ELAVL4: variants seen among roughly 807,000 people sequenced by gnomAD.
ELAVL4 encodes ELAV-like protein 4.
Under a neutral mutation model 35.6 loss-of-function variants are expected in ELAVL4, and 1 was observed. The observed-to-expected ratio is 0.03, with a 90% confidence interval of 0.01 to 0.13. ELAVL4 has a LOEUF of 0.13. Ranked by LOEUF, ELAVL4 falls within the 10% of genes least tolerant of loss-of-function variation. The pLI, the probability that ELAVL4 is intolerant of heterozygous loss-of-function variation, is 1.00. For missense variants in ELAVL4, 267 were observed against 464.9 expected, an observed-to-expected ratio of 0.57 and a Z score of 3.91; for synonymous variants, 156 against 171.0, an observed-to-expected ratio of 0.91 and a Z score of 0.69.
intron 1 of ELAVL4, among the ~76,000 whole-genome samples, chr1:50,069,090 C>T (rs1388325958): frequency 6.6e-6 from 1 of 152,200 alleles, no homozygotes; most frequent in Admixed American, 6.5e-5. Flanking sequence ...TGCTGTCTTA[C>T]ATGAAACAGA....
In ELAVL4 at chr1:50,063,738, C is replaced by G. The variant is rs72686793; in HGVS notation, c.18+15556C>G. Among the ~76,000 whole-genome samples, 90 of 152,232 alleles carry G rather than the reference C, an allele frequency of 5.9e-4. 1 individual carries two copies. In the South Asian group the frequency reaches 8.7e-3, roughly 15 times the overall value. The stretch of plus-strand genomic sequence containing the variant: ...GGTAGTCCCATAGCATTGTGACATG[C>G]GACCCTAGTAACAGAATTATTTCAT... On this transcript the variant is annotated intron_variant, in intron 1 of 6. Transcript: ENST00000448907.
intron 1 of ELAVL4, among the ~76,000 whole-genome samples, chr1:50,095,977 T>C (rs1665702034): frequency 6.6e-6 from 1 of 152,148 alleles, no homozygotes; most frequent in Admixed American, 6.5e-5. Flanking sequence ...ATACCTTCCG[T>C]TGGTAGAGCT....
intron 1 of ELAVL4, among the ~76,000 whole-genome samples, chr1:50,079,119 G>C (rs1237679531): frequency 6.6e-6 from 1 of 152,072 alleles, no homozygotes; most frequent in African/African-American, 2.4e-5. Context: ...TTTAGATGGG[G>C]TCTTGCTTTG....
intron 1 of ELAVL4, among the ~76,000 whole-genome samples, chr1:50,069,802 G>A (rs1664429498): frequency 6.6e-6 from 1 of 152,006 alleles, no homozygotes; most frequent in Non-Finnish European, 1.5e-5. Flanking sequence ...CCTGACCCCA[G>A]AACCCACACT....
intron 1 of ELAVL4, among the ~76,000 whole-genome samples, chr1:50,086,021 G>C (rs1427512315): frequency 2.0e-5 from 3 of 152,110 alleles, no homozygotes; most frequent in Non-Finnish European, 4.4e-5. Context: ...AGTCTGTATT[G>C]TGTTTTGTAA....
intron 3 of ELAVL4, among the ~76,000 whole-genome samples, chr1:50,186,883 G>GT (rs1457034654): frequency 1.3e-5 from 2 of 152,218 alleles, no homozygotes; most frequent in Admixed American, 1.3e-4. Flanking sequence ...AGTGTAAAGA[G>GT]TGGTGCTACA....
At chr1:50,048,246 G>T (rs1663171548) in intron 1 of ELAVL4, 6 of 1,434,748 alleles carry the variant, frequency 4.2e-6, no homozygotes, top group Non-Finnish European at 5.5e-6. Flanking sequence ...ACGGACACCC[G>T]CTGGGCCACG....
At chr1:50,109,560 G>T (rs189430160) in intron 1 of ELAVL4, 47 of 370,954 alleles carry the variant, frequency 1.3e-4, no homozygotes, top group Middle Eastern at 1.5e-3. Flanking sequence ...CTACGTGCCT[G>T]GGTTTTGTGG....
chr1:50,138,092 A>G (rs1025053630), intron 1 of ELAVL4, among the ~76,000 whole-genome samples: 1 of 152,202 alleles, frequency 6.6e-6, no homozygotes, highest in Admixed American at 6.5e-5. Flanking sequence ...GATTGACACT[A>G]TATGCTGCCA....
At chr1:50,197,537 A>G in intron 6 of ELAVL4, 70 bp downstream of exon 6, 1 of 1,265,752 alleles carries the variant, frequency 7.9e-7, no homozygotes, top group South Asian at 1.7e-5. Flanking sequence ...TTTTTTTTTT[A>G]ATTCACTAAC....
chr1:50,085,060 C>G (rs893302399), intron 1 of ELAVL4, among the ~76,000 whole-genome samples: 14 of 152,112 alleles, frequency 9.2e-5, no homozygotes, highest in African/African-American at 3.4e-4. Context: ...AGGGCTCTTG[C>G]TTCACATTAC....
upstream of ELAVL4, among the ~76,000 whole-genome samples, chr1:50,106,938 G>A (rs1001236138): frequency 5.3e-5 from 8 of 152,154 alleles, no homozygotes; most frequent in Admixed American, 3.3e-4. Context: ...TAGTATGGAT[G>A]GGAGAAAAGG....
intron 3 of ELAVL4, among the ~76,000 whole-genome samples, chr1:50,186,409 G>A (rs936747886): frequency 5.3e-5 from 8 of 152,188 alleles, no homozygotes; most frequent in Non-Finnish European, 1.0e-4. Flanking sequence ...TATCACACTT[G>A]TAGTGCCTGG....
chr1:50,192,822 G>C (rs566245057), intron 3 of ELAVL4, among the ~76,000 whole-genome samples: 5 of 152,096 alleles, frequency 3.3e-5, no homozygotes, highest in Admixed American at 6.5e-5. Context: ...AAATAAATAA[G>C]TAAATGAAAG....
At chr1:50,102,219 G>C (rs2148514545), upstream of ELAVL4, among the ~76,000 whole-genome samples, 2 of 152,108 alleles carry the variant, frequency 1.3e-5, no homozygotes, top group South Asian at 2.1e-4. Flanking sequence ...CTGGGAGGCG[G>C]AGCTTGCGGT....
intron 1 of ELAVL4, among the ~76,000 whole-genome samples, chr1:50,137,588 C>T (rs943155462): frequency 2.2e-4 from 34 of 152,082 alleles, no homozygotes; most frequent in African/African-American, 6.5e-4. Flanking sequence ...ATTTTTAGTA[C>T]ATCCGTACAC....
intron 1 of ELAVL4, 36 bp from the exon 2 acceptor site, chr1:50,144,921 C>T: frequency 6.3e-7 from 1 of 1,592,488 alleles, no homozygotes; most frequent in South Asian, 1.2e-5. Context: ...TCTGAGATTT[C>T]AAAAGGCTTT....
chr1:50,121,305 T>A (rs995462319), intron 1 of ELAVL4, among the ~76,000 whole-genome samples: 1 of 152,016 alleles, frequency 6.6e-6, no homozygotes, highest in Non-Finnish European at 1.5e-5. Context: ...TTGAATTGTA[T>A]CCTTGATACA....
rs926272567 is a variant in ELAVL4, at chr1:50,177,030, C to G, written c.251-59C>G. The G allele has an allele frequency of 2.8e-6, 4 of 1,422,252 alleles. No individual in the cohort carries two copies. The African/African-American group carries it at 4.2e-5, about 15-fold the overall frequency. The allele number at this position is 1,422,252 out of a possible 1,614,324, so 88.1% of individuals were successfully genotyped here. A position where few individuals can be genotyped will look rare whatever the true frequency, so the allele number is the denominator to read the frequency against. The stretch of plus-strand genomic sequence containing the variant: ...GATACTGAGCATGCTCTCTCTCTCT[C>G]TCTTTCTCTCTGTCTGTCTCTCTCT... On this transcript the variant is annotated intron_variant, in intron 2 of 6. Transcript: ENST00000371824.
Sources: gnomAD v4.1 joint callset for allele counts (sites outside exome capture counted in the v4.1 genomes callset) on GRCh38, gnomAD v4.1.1 for gene constraint, MANE v1.5 for transcripts, NCBI Gene and HGNC (gene_info 2026-07-23, HGNC 2026-07-21) for gene names.